The following KIAA1958 variants were observed in gnomAD, a reference collection of about 807,000 sequenced individuals.
KIAA1958 encodes KIAA1958.
A neutral mutation model predicts 47.2 loss-of-function variants in KIAA1958; 14 were observed. The observed-to-expected ratio is 0.30, with a 90% CI of 0.20 to 0.46. The LOEUF is 0.46. KIAA1958 is among the 20% of genes least tolerant of loss of function. KIAA1958 has a pLI of 1.00. For synonymous variants in KIAA1958, 354 were observed against 353.3 expected (o/e 1.00, Z -0.02); for missense variants, 803 against 909.2 (o/e 0.88, Z 1.50).
At chr9:112,643,644 A>AGT (rs1226980515) in intron 2 of KIAA1958, among the ~76,000 whole-genome samples, 6 of 152,180 alleles carry the variant, frequency 3.9e-5, no homozygotes, top group African/African-American at 1.4e-4. Context: ...ATTAAAGCAG[A>AGT]GTATGTTCAA....
intron 2 of KIAA1958, among the ~76,000 whole-genome samples, chr9:112,625,885 G>A (rs1836601337): frequency 6.6e-6 from 1 of 151,976 alleles, no homozygotes; most frequent in African/African-American, 2.4e-5. Context: ...GTTATGGAGG[G>A]GAAACTACAG....
intron 1 of KIAA1958, among the ~76,000 whole-genome samples, chr9:112,506,327 G>T (rs1014015140): frequency 6.6e-6 from 1 of 152,104 alleles, no homozygotes; most frequent in Non-Finnish European, 1.5e-5. Context: ...GTGTTGGCGG[G>T]CGCCTGTAGT....
intron 1 of KIAA1958, among the ~76,000 whole-genome samples, chr9:112,509,923 G>A (rs1439484508): frequency 6.6e-6 from 1 of 152,178 alleles, no homozygotes; most frequent in East Asian, 1.9e-4. Context: ...TGAAGACACT[G>A]GGGAGTCAGT....
In KIAA1958 at chr9:112,607,625, T is replaced by C. The variant is rs188135708; in HGVS notation, c.1171+32374T>C. 2.6e-5 allele frequency among the ~76,000 whole-genome samples: 4 copies of C among 152,000 alleles called. No homozygotes were observed. The East Asian group carries it at 7.7e-4, about 29-fold the overall frequency. The stretch of plus-strand genomic sequence containing the variant: ...GGCAATGGGGAGATACTTGAATTTA[T>C]GGCTTGAAAGGATATACTCTGTACC... On this transcript the variant is annotated intron_variant, in intron 2 of 3. Coordinates refer to ENST00000337530, the MANE Select transcript of KIAA1958 (RefSeq NM_133465.4).
chr9:112,531,566 T>G (rs1276643415), intron 1 of KIAA1958, among the ~76,000 whole-genome samples: 2 of 152,190 alleles, frequency 1.3e-5, no homozygotes, highest in Non-Finnish European at 2.9e-5. Flanking sequence ...GTTACTTGTT[T>G]AATAAGGAAA....
At chr9:112,555,514 C>T (rs1835225059) in intron 1 of KIAA1958, among the ~76,000 whole-genome samples, 1 of 152,194 alleles carries the variant, frequency 6.6e-6, no homozygotes. Flanking sequence ...TTATAAAGAA[C>T]AGAAATTTAT....
intron 1 of KIAA1958, among the ~76,000 whole-genome samples, chr9:112,568,037 TA>T (rs1323950064): frequency 6.6e-6 from 1 of 151,618 alleles, no homozygotes; most frequent in Non-Finnish European, 1.5e-5. Flanking sequence ...TTTACATTTT[TA>T]AAAATTTTTA....
intron 2 of KIAA1958, among the ~76,000 whole-genome samples, chr9:112,586,434 T>C (rs942978800): frequency 6.6e-6 from 1 of 152,302 alleles, no homozygotes. Context: ...AAGGCAAAAG[T>C]AGAAAGGCAG....
chr9:112,642,983 T>C (rs1345899107), intron 2 of KIAA1958, among the ~76,000 whole-genome samples: 1 of 152,240 alleles, frequency 6.6e-6, no homozygotes. Context: ...TGTCCTGTGA[T>C]TTTAAGAAAA....
At chr9:112,506,428 C>G (rs1436906285) in intron 1 of KIAA1958, among the ~76,000 whole-genome samples, 1 of 152,132 alleles carries the variant, frequency 6.6e-6, no homozygotes, top group Non-Finnish European at 1.5e-5. Context: ...TACACTCTAG[C>G]CTGGGTGACA....
At chr9:112,637,614 G>T (rs1297781984) in intron 2 of KIAA1958, among the ~76,000 whole-genome samples, 1 of 151,944 alleles carries the variant, frequency 6.6e-6, no homozygotes, top group Non-Finnish European at 1.5e-5. Context: ...CAAACCTCGT[G>T]ATCTGCCCAC....
intron 2 of KIAA1958, among the ~76,000 whole-genome samples, chr9:112,637,051 T>A (rs1035607927): frequency 1.3e-5 from 2 of 152,202 alleles, no homozygotes; most frequent in Non-Finnish European, 2.9e-5. Flanking sequence ...ATTATTAAGA[T>A]CTACTTTAAT....
At chr9:112,524,387 C>T (rs575551757) in intron 1 of KIAA1958, among the ~76,000 whole-genome samples, 88 of 152,288 alleles carry the variant, frequency 5.8e-4, no homozygotes, top group African/African-American at 2.0e-3. Context: ...GTTTAGTGAC[C>T]GGTTTCAGTT....
chr9:112,617,940 C>T, intron 2 of KIAA1958: 3 of 1,550,492 alleles, frequency 1.9e-6, no homozygotes, highest in Non-Finnish European at 1.7e-6. Flanking sequence ...ACGCAGACCG[C>T]GCTCCGCAAT....
intron 1 of KIAA1958, among the ~76,000 whole-genome samples, chr9:112,567,647 A>G (rs1399905198): frequency 6.6e-6 from 1 of 152,144 alleles, no homozygotes; most frequent in Non-Finnish European, 1.5e-5. Context: ...CTGAAAATCA[A>G]TCCTGAAAGA....
chr9:112,599,738 G>A (rs1836097191), intron 2 of KIAA1958, among the ~76,000 whole-genome samples: 1 of 152,168 alleles, frequency 6.6e-6, no homozygotes, highest in Non-Finnish European at 1.5e-5. Flanking sequence ...TAAAAAACAA[G>A]ATTCTTTTTG....
At position 112,665,478 on chromosome 9, in the gene KIAA1958, A is replaced by G. The variant is rs919547113; in HGVS notation, c.*5409A>G. 3 of 152,222 alleles carry G rather than the reference A, an allele frequency of 2.0e-5. No homozygotes were observed. The highest frequency in any genetic ancestry group is 7.2e-5 in the African/African-American group (3 of 41,448). 9.4% of individuals were successfully genotyped at this position (152,222 alleles called of 1,614,324 possible). On this transcript the variant is annotated 3_prime_UTR_variant, in exon 4 of 4. Coordinates refer to ENST00000337530, the MANE Select transcript of KIAA1958 (RefSeq NM_133465.4). ...ATAAGTTGGAGAATTTAAGTTTGTA[A>G]GTTGGAGAATGCAGGTTTTCTGACT...
chr9:112,538,933 G>A (rs536034214), intron 1 of KIAA1958, among the ~76,000 whole-genome samples: 1 of 152,226 alleles, frequency 6.6e-6, no homozygotes, highest in Non-Finnish European at 1.5e-5. Flanking sequence ...TGGTCAATAA[G>A]CACCTAAAAA....
rs769697995 is a variant in KIAA1958, at chr9:112,659,257, T to C, written c.1345-6T>C. On this transcript the variant is annotated splice_polypyrimidine_tract_variant and splice_region_variant and intron_variant, in intron 3 of 3. Transcript: ENST00000337530. ...GTGTGTAACCTCCGTGTTTGTCTCA[T>C]TTGAGATCCCTGCAGTGAAGTTGAA... is the stretch of plus-strand genomic sequence containing the variant. 1.2e-6 allele frequency: 2 copies of C among 1,606,396 alleles called. No individual in the cohort carries two copies. Among genetic ancestry groups the C allele is most frequent in the Non-Finnish European group, 1.7e-6 (2 of 1,175,622 alleles).
Sources: allele counts gnomAD v4.1 joint callset (sites outside exome capture counted in the v4.1 genomes callset), GRCh38; gene constraint gnomAD v4.1.1; transcripts MANE v1.5; gene names NCBI Gene and HGNC (gene_info 2026-07-23, HGNC 2026-07-21).